Variants in MYT1L observed in about 807,000 individuals in gnomAD.
MYT1L encodes the protein myelin transcription factor 1 like.
Under a neutral mutation model 126.7 loss-of-function variants are expected in MYT1L, and 12 were observed. The observed-to-expected ratio is 0.09, with a 90% CI of 0.06 to 0.15. The LOEUF (loss-of-function observed/expected upper bound fraction) is 0.15. Ranked by LOEUF, MYT1L falls within the 10% of genes least tolerant of loss-of-function variation. The pLI is 1.00. For missense variants in MYT1L, 979 were observed against 1,585.2 expected (o/e 0.62, Z 6.49); for synonymous variants, 541 against 604.2 (o/e 0.90, Z 1.53).
At chr2:1,915,345 T>C (rs752299390) in intron 11 of MYT1L, among the ~76,000 whole-genome samples, 1 of 152,094 alleles carries the variant, frequency 6.6e-6, no homozygotes, top group African/African-American at 2.4e-5. Context: ...GTGCCGCCCA[T>C]GTCAGAGCTG....
intron 18 of MYT1L, 137 bp downstream of exon 18, chr2:1,886,402 T>C: frequency 3.7e-6 from 2 of 541,134 alleles, no homozygotes; most frequent in Non-Finnish European, 3.0e-6. Context: ...TTCAATCCCA[T>C]GTCTACATCA....
chr2:2,020,723 G>A (rs543364862), intron 4 of MYT1L, among the ~76,000 whole-genome samples: 1 of 152,124 alleles, frequency 6.6e-6, no homozygotes, highest in Non-Finnish European at 1.5e-5. Flanking sequence ...ACATTCATCA[G>A]TCTTTTGTAA....
chr2:1,971,088 G>T (rs34568780), intron 8 of MYT1L, among the ~76,000 whole-genome samples: 4,091 of 152,250 alleles, frequency 0.027, 72 homozygotes, highest in Non-Finnish European at 0.042. Flanking sequence ...ACTGAGGTGG[G>T]AGGATCACTT....
intron 18 of MYT1L, among the ~76,000 whole-genome samples, chr2:1,876,756 A>T (rs2046966578): frequency 6.6e-6 from 1 of 152,200 alleles, no homozygotes; most frequent in African/African-American, 2.4e-5. Flanking sequence ...CTCACTCAGG[A>T]CAGAACTAAA....
intron 2 of MYT1L, among the ~76,000 whole-genome samples, chr2:2,214,820 T>C (rs1350880984): frequency 6.6e-6 from 1 of 152,186 alleles, no homozygotes; most frequent in African/African-American, 2.4e-5. Flanking sequence ...ATGCATCATA[T>C]ACTTTTCTTA....
rs537248734 is a variant in MYT1L at position 2,197,678 on chromosome 2, CAT to C, written c.-420-24692_-420-24691del. On this transcript the variant is annotated intron_variant, in intron 2 of 24. Coordinates refer to ENST00000647738, the MANE Select transcript of MYT1L (RefSeq NM_001303052.2). ...TGTAGAGATGTATATAATATAAACA[CAT>C]GTATACATACATGCACACACACACA... is the stretch of plus-strand genomic sequence containing the variant. Among the ~76,000 whole-genome samples, 25 of 151,592 alleles carry C rather than the reference CAT, an allele frequency of 1.6e-4. No homozygotes were observed. In the South Asian group the frequency reaches 5.0e-3, roughly 30 times the overall value.
rs184292725 is a variant in MYT1L, at chr2:2,143,163, G to A, written c.-304+29709C>T. Among the ~76,000 whole-genome samples, 746 of 151,660 alleles carry A rather than the reference G, an allele frequency of 4.9e-3. 6 individuals carry two copies. The highest frequency in any genetic ancestry group is 0.017 in the African/African-American group (717 of 41,438). On this transcript the variant is annotated intron_variant, in intron 3 of 24. Coordinates refer to ENST00000647738, the MANE Select transcript of MYT1L (RefSeq NM_001303052.2). ...AAATTAGCCGGGCGCAGTGGCAGGC[G>A]CCTGTAGTCCCAGCTACTCGGGAGG...
intron 4 of MYT1L, among the ~76,000 whole-genome samples, chr2:2,002,400 TCA>T (rs974102504): frequency 2.0e-5 from 3 of 152,200 alleles, no homozygotes; most frequent in Admixed American, 6.5e-5. Flanking sequence ...TGGGTATCTC[TCA>T]GTTTCATGTA....
chr2:1,975,633 G>A (rs1272955203), intron 8 of MYT1L, among the ~76,000 whole-genome samples: 1 of 152,230 alleles, frequency 6.6e-6, no homozygotes, highest in Non-Finnish European at 1.5e-5. Flanking sequence ...GGAGGCTGAG[G>A]CGGGTGGATC....
chr2:1,980,321 TATAC>T (rs2060510803), intron 5 of MYT1L, among the ~76,000 whole-genome samples: 1 of 148,206 alleles, frequency 6.7e-6, no homozygotes, highest in South Asian at 2.1e-4. Context: ...TATATCTATA[TATAC>T]ACACACACAT....
intron 4 of MYT1L, among the ~76,000 whole-genome samples, chr2:2,023,781 T>C (rs2065266360): frequency 6.6e-6 from 1 of 152,166 alleles, no homozygotes; most frequent in African/African-American, 2.4e-5. Flanking sequence ...GAAGAATGTT[T>C]GTCTGTGGGC....
intron 3 of MYT1L, among the ~76,000 whole-genome samples, chr2:2,115,489 CTATT>C (rs1559054742): frequency 6.6e-6 from 1 of 152,222 alleles, no homozygotes; most frequent in African/African-American, 2.4e-5. Flanking sequence ...CGTATTGACT[CTATT>C]TATAGAAAAA....
At chr2:2,293,725 C>G (rs1435248836) in intron 1 of MYT1L, among the ~76,000 whole-genome samples, 17 of 152,190 alleles carry the variant, frequency 1.1e-4, no homozygotes, top group Admixed American at 1.1e-3. Context: ...CGGCCTGGGG[C>G]AGGAGGTGGA....
intron 9 of MYT1L, among the ~76,000 whole-genome samples, chr2:1,941,288 A>G (rs2056614544): frequency 6.6e-6 from 1 of 152,204 alleles, no homozygotes; most frequent in South Asian, 2.1e-4. Flanking sequence ...GTCGCACCAA[A>G]CATGAATGCC....
At chr2:1,987,757 G>C (rs2061157747) in intron 5 of MYT1L, among the ~76,000 whole-genome samples, 1 of 152,132 alleles carries the variant, frequency 6.6e-6, no homozygotes, top group African/African-American at 2.4e-5. Context: ...GGAGCATCCT[G>C]GAGAAGCCAG....
At chr2:2,318,497 ATGTGGATCTCTTAGGAAAAAGGAT>A (rs2149671892) in intron 1 of MYT1L, among the ~76,000 whole-genome samples, 1 of 152,266 alleles carries the variant, frequency 6.6e-6, no homozygotes, top group South Asian at 2.1e-4. Flanking sequence ...GGCACCATGG[ATGTGGATCTCTTAGGAAAAAGGAT>A]TGTTTTTGAG....
chr2:2,293,523 C>T (rs1041155967), intron 1 of MYT1L, among the ~76,000 whole-genome samples: 5 of 152,140 alleles, frequency 3.3e-5, no homozygotes, highest in Non-Finnish European at 5.9e-5. Context: ...GGGCTTCCCT[C>T]GGAGCTAAGG....
intron 8 of MYT1L, among the ~76,000 whole-genome samples, chr2:1,954,772 T>C (rs2058192578): frequency 6.6e-6 from 1 of 151,972 alleles, no homozygotes; most frequent in Admixed American, 6.6e-5. Context: ...TTTATAAAAA[T>C]GTATGATTCT....
chr2:1,817,640 AGGCCCAGCGC>A (rs1268840487), intron 21 of MYT1L, among the ~76,000 whole-genome samples: 2 of 152,300 alleles, frequency 1.3e-5, no homozygotes, highest in East Asian at 3.9e-4. Flanking sequence ...CCCTGGGAGC[AGGCCCAGCGC>A]GGCCCTGGGG....
Sources: gnomAD v4.1 joint callset for allele counts (sites outside exome capture counted in the v4.1 genomes callset) on GRCh38, gnomAD v4.1.1 for gene constraint, MANE v1.5 for transcripts, NCBI Gene and HGNC (gene_info 2026-07-23, HGNC 2026-07-21) for gene names.